The following SPTA1 variants were observed in gnomAD, a reference collection of about 807,000 sequenced individuals.
SPTA1 encodes spectrin alpha, erythrocytic 1.
A neutral mutation model predicts 324.7 loss-of-function variants in SPTA1; 177 were observed. That is an observed-to-expected ratio of 0.55 (90% confidence interval 0.48 to 0.62). SPTA1 has a LOEUF of 0.62. Ranked by LOEUF, SPTA1 falls within the 20% of genes least tolerant of loss-of-function variation. The pLI, the probability that SPTA1 is intolerant of heterozygous loss-of-function variation, is 0.00. For missense variants in SPTA1, 3,162 were observed against 2,883.6 expected, an observed-to-expected ratio of 1.10 and a Z score of -2.21; for synonymous variants, 1,195 against 1,041.3, an observed-to-expected ratio of 1.15 and a Z score of -2.84.
chr1:158,639,277 A>C, intron 35 of SPTA1: 1 of 337,376 alleles, frequency 3.0e-6, no homozygotes, highest in Non-Finnish European at 5.5e-6. Flanking sequence ...TTCAAATACC[A>C]GATCAAATAT....
chr1:158,632,958 T>G (rs1650788214), intron 39 of SPTA1, among the ~76,000 whole-genome samples: 1 of 152,156 alleles, frequency 6.6e-6, no homozygotes, highest in South Asian at 2.1e-4. Flanking sequence ...GGTTCGACTG[T>G]GATATTCTTA....
At chr1:158,681,390 A>T in intron 4 of SPTA1, 137 bp downstream of exon 4, 11 of 1,430,704 alleles carry the variant, frequency 7.7e-6, no homozygotes, top group Non-Finnish European at 1.1e-5. Flanking sequence ...TTTGGCCCCA[A>T]TTTCCTCTTG....
chr1:158,672,290 A>T (rs1191051637), intron 10 of SPTA1, 94 bp from the exon 11 acceptor site: 2 of 1,373,822 alleles, frequency 1.5e-6, no homozygotes, highest in Non-Finnish European at 9.9e-7. Flanking sequence ...CCATTTAAGG[A>T]TACAAAAATA....
At chr1:158,647,400 A>G in intron 27 of SPTA1, 139 bp downstream of exon 27, 1 of 1,070,992 alleles carries the variant, frequency 9.3e-7, no homozygotes, top group Non-Finnish European at 1.4e-6. Context: ...TCAAACCTGA[A>G]ATTTTTTATG....
intron 39 of SPTA1, among the ~76,000 whole-genome samples, chr1:158,633,949 GCA>G (rs1384959543): frequency 6.6e-6 from 1 of 152,004 alleles, no homozygotes; most frequent in African/African-American, 2.4e-5. Context: ...GGGTTACTAG[GCA>G]CAGTTTCCAA....
At chr1:158,622,944 G>C (rs1464743369) in intron 43 of SPTA1, 39 bp downstream of exon 43, 1 of 1,543,478 alleles carries the variant, frequency 6.5e-7, no homozygotes, top group Admixed American at 1.7e-5. Context: ...TAATATACAG[G>C]TAACAGAGAA....
At position 158,666,290 on chromosome 1, in the gene SPTA1, G is replaced by A; in HGVS notation, c.2220+26C>T. On this transcript the variant is annotated intron_variant, in intron 16 of 51. Coordinates refer to ENST00000643759, the MANE Select transcript of SPTA1 (RefSeq NM_003126.4). ...CAGAGCATATACACCCATTGCTTATGGCTGGCCAAAGAGCTAACAACAAAC... is the reference window on the plus strand; with the variant it reads ...CAGAGCATATACACCCATTGCTTATAGCTGGCCAAAGAGCTAACAACAAAC... 2.5e-6 allele frequency: 4 copies of A among 1,611,884 alleles called. No homozygotes were observed. In the South Asian group the frequency reaches 3.3e-5, roughly 13 times the overall value.
chr1:158,615,808 A>G (rs1649522626), intron 47 of SPTA1, among the ~76,000 whole-genome samples: 1 of 152,196 alleles, frequency 6.6e-6, no homozygotes, highest in African/African-American at 2.4e-5. Context: ...GCTCACAGTG[A>G]TCTGCACTGG....
chr1:158,627,151 G>T, intron 40 of SPTA1, 144 bp from the exon 41 acceptor site: 2 of 1,007,352 alleles, frequency 2.0e-6, no homozygotes, highest in Non-Finnish European at 3.0e-6. Flanking sequence ...GTTTCTAGGA[G>T]GTAGGGAGTC....
chr1:158,636,426 C>T (rs1269854210), intron 37 of SPTA1, among the ~76,000 whole-genome samples: 2 of 152,148 alleles, frequency 1.3e-5, no homozygotes, highest in African/African-American at 4.8e-5. Context: ...TAAGAGTGCT[C>T]CTTCCAGGGA....
At chr1:158,683,134 G>A (rs1234021564) in intron 3 of SPTA1, among the ~76,000 whole-genome samples, 1 of 152,098 alleles carries the variant, frequency 6.6e-6, no homozygotes, top group Non-Finnish European at 1.5e-5. Flanking sequence ...AAATTATCCT[G>A]CACTGTTATA....
chr1:158,617,432 G>T, intron 47 of SPTA1, 105 bp downstream of exon 47: 1 of 879,016 alleles, frequency 1.1e-6, no homozygotes, highest in Non-Finnish European at 1.9e-6. Context: ...ATGGACTTCA[G>T]GTGATACATA....
chr1:158,630,178 C>A (rs1014886417), intron 39 of SPTA1, among the ~76,000 whole-genome samples: 1 of 151,676 alleles, frequency 6.6e-6, no homozygotes, highest in African/African-American at 2.4e-5. Flanking sequence ...CAGAAAAGAC[C>A]ACAAATAGTC....
chr1:158,680,996 T>G (rs1275401915), intron 4 of SPTA1, among the ~76,000 whole-genome samples: 1 of 152,210 alleles, frequency 6.6e-6, no homozygotes, highest in Non-Finnish European at 1.5e-5. Flanking sequence ...TTTTGTGTTT[T>G]GAAACATGAG....
In SPTA1 at chr1:158,626,919, G is replaced by T; in HGVS notation, c.5753C>A (p.Ala1918Asp). ...GTCTTCCAATTGCAACTTCCAAGCA[G>T]CTATTGCCTTAGCCAGAGAAGGGGT... ...EKTPSLAKAI[A>D]AWKLQLEDDY... The change falls in exon 41 of 52, where the codon GCT (alanine) becomes GAT (aspartate). Residue 1918 changes from alanine (A) to aspartate (D), a missense_variant. Ala to Asp is a moderately radical substitution (Grantham distance 126). Transcript: ENST00000643759. 1 of 1,613,938 alleles carries T rather than the reference G, an allele frequency of 6.2e-7. No homozygotes were observed. Among genetic ancestry groups the T allele is most frequent in the Non-Finnish European group, 8.5e-7 (1 of 1,179,860 alleles).
At chr1:158,638,262 C>T in intron 35 of SPTA1, 21 bp from the exon 36 acceptor site, 1 of 1,604,820 alleles carries the variant, frequency 6.2e-7, no homozygotes, top group Non-Finnish European at 8.5e-7. Context: ...TCGGGATACT[C>T]AGTGAATAGT....
At chr1:158,652,699 C>A (rs1652542935) in intron 22 of SPTA1, 46 bp from the exon 23 acceptor site, 22 of 1,604,336 alleles carry the variant, frequency 1.4e-5, no homozygotes, top group Non-Finnish European at 1.9e-5. Context: ...GGAGAAAATA[C>A]AGAAGAGTAG....
At chr1:158,669,615 T>A (rs770154079) in intron 13 of SPTA1, 52 bp from the exon 14 acceptor site, 6 of 1,613,934 alleles carry the variant, frequency 3.7e-6, no homozygotes, top group South Asian at 3.3e-5. Context: ...TATGGACATG[T>A]GAGATTCGCT....
In SPTA1 at chr1:158,645,380, G is replaced by A; in HGVS notation, c.4002C>T (p.His1334=). 6.2e-7 allele frequency: 1 copy of A among 1,613,986 alleles called. No individual in the cohort carries two copies. Among genetic ancestry groups the A allele is most frequent in the Non-Finnish European group, 8.5e-7 (1 of 1,179,940 alleles). Residue 1334 remains histidine (H), a synonymous_variant, in exon 29 of 52, where the codon CAC becomes CAT. Coordinates refer to ENST00000643759, the MANE Select transcript of SPTA1 (RefSeq NM_003126.4). The part of the protein sequence containing the change: ...IEILLERHQE[H]RADMEAEAPT... ...GAGCCTCTGCCTCCATGTCAGCACGGTGCTCCTGTGGGAAAAAGGGGGAAG... is the reference window on the plus strand; with the variant it reads ...GAGCCTCTGCCTCCATGTCAGCACGATGCTCCTGTGGGAAAAAGGGGGAAG...
Sources: allele counts gnomAD v4.1 joint callset (sites outside exome capture counted in the v4.1 genomes callset), GRCh38; gene constraint gnomAD v4.1.1; transcripts MANE v1.5; gene names NCBI Gene and HGNC (gene_info 2026-07-23, HGNC 2026-07-21).